FBXO25: variants seen among roughly 807,000 people sequenced by gnomAD.
FBXO25 encodes F-box protein 25, also known as F-box only protein 25.
In FBXO25, 45 loss-of-function variants were observed where a neutral mutation model predicts 51.9. That is an observed-to-expected ratio of 0.87 (90% confidence interval 0.68 to 1.11). FBXO25 has a LOEUF of 1.11. FBXO25 is among the 50% of genes most tolerant of loss of function. The probability of loss-of-function intolerance (pLI) is 0.00; values close to 1 mark genes in which losing one functional copy is unlikely to be tolerated. For synonymous variants in FBXO25, 199 were observed against 151.0 expected (o/e 1.32, Z -2.33); for missense variants, 507 against 428.5 (o/e 1.18, Z -1.62).
At chr8:416,891 T>G (rs1796837830) in intron 2 of FBXO25, among the ~76,000 whole-genome samples, 1 of 152,020 alleles carries the variant, frequency 6.6e-6, no homozygotes, top group Non-Finnish European at 1.5e-5. Flanking sequence ...GTAGTAAGTG[T>G]GATAGTATGT....
At chr8:434,313 C>T (rs1486196890) in intron 4 of FBXO25, among the ~76,000 whole-genome samples, 2 of 152,152 alleles carry the variant, frequency 1.3e-5, no homozygotes, top group East Asian at 3.9e-4. Context: ...GATTTAATTT[C>T]CTGTTGTAAG....
chr8:410,334 C>G (rs113179164), intron 1 of FBXO25, among the ~76,000 whole-genome samples: 116 of 152,224 alleles, frequency 7.6e-4, no homozygotes, highest in Admixed American at 1.3e-3. Flanking sequence ...GCAGGAACAT[C>G]TAGCATAATA....
chr8:468,071 C>T (rs965846270), intron 9 of FBXO25: 8 of 1,133,130 alleles, frequency 7.1e-6, no homozygotes, highest in African/African-American at 1.6e-5. Flanking sequence ...GACCCCAGAG[C>T]CTCTGGTCCC....
intron 2 of FBXO25, among the ~76,000 whole-genome samples, chr8:416,049 C>T (rs115761735): frequency 0.062 from 9,491 of 152,264 alleles, 320 homozygotes; most frequent in Middle Eastern, 0.082. Flanking sequence ...CAGAGACTCC[C>T]ATTGCTTGCT....
intron 7 of FBXO25, among the ~76,000 whole-genome samples, chr8:453,474 A>G (rs1464172171): frequency 6.6e-6 from 1 of 152,090 alleles, no homozygotes; most frequent in Non-Finnish European, 1.5e-5. Context: ...CTTTCTGGGA[A>G]TGTTACTTGA....
At chr8:460,387 C>T (rs1799731643) in intron 8 of FBXO25, among the ~76,000 whole-genome samples, 1 of 152,078 alleles carries the variant, frequency 6.6e-6, no homozygotes. Context: ...TTAACTGAAT[C>T]ATAAAAACAC....
intron 2 of FBXO25, among the ~76,000 whole-genome samples, chr8:422,714 G>A: frequency 6.6e-6 from 1 of 152,164 alleles, no homozygotes; most frequent in East Asian, 1.9e-4. Flanking sequence ...CAAGCCAGAG[G>A]CATCACGTAG....
intron 7 of FBXO25, among the ~76,000 whole-genome samples, chr8:452,071 A>C (rs950339926): frequency 2.0e-5 from 3 of 152,228 alleles, no homozygotes; most frequent in African/African-American, 7.2e-5. Context: ...TGCCTTACGT[A>C]GCCTTGGTGG....
chr8:457,296 GAA>G (rs1799505217), intron 7 of FBXO25, among the ~76,000 whole-genome samples: 2 of 152,316 alleles, frequency 1.3e-5, no homozygotes, highest in East Asian at 3.9e-4. Context: ...ACTGAGCCCT[GAA>G]AAGTCTGAAA....
intron 9 of FBXO25, among the ~76,000 whole-genome samples, chr8:468,421 C>T (rs1800330599): frequency 6.6e-6 from 1 of 152,130 alleles, no homozygotes; most frequent in Non-Finnish European, 1.5e-5. Flanking sequence ...CGGGGCAGTG[C>T]AGGGTGGTGT....
At chr8:408,807 T>G (rs1796320582) in intron 1 of FBXO25, among the ~76,000 whole-genome samples, 1 of 152,192 alleles carries the variant, frequency 6.6e-6, no homozygotes, top group African/African-American at 2.4e-5. Flanking sequence ...TTTTAAATAG[T>G]TAATCATTGT....
At chr8:429,574 C>T (rs956438864) in intron 2 of FBXO25, among the ~76,000 whole-genome samples, 8 of 152,150 alleles carry the variant, frequency 5.3e-5, no homozygotes, top group Non-Finnish European at 1.0e-4. Context: ...TTTAATGTGT[C>T]GAATTTAAAT....
rs1800604325 is a variant in FBXO25 at position 475,157 on chromosome 8, T to G, written c.*6353T>G. On this transcript the variant is annotated 3_prime_UTR_variant, in exon 10 of 10. Coordinates refer to ENST00000350302, the MANE Select transcript of FBXO25 (RefSeq NM_183420.2). Reference sequence around the variant, plus strand: ...TATATGGTGTGAGGTAGATCTAGCTTCATGTGGATGTCCACTTGTCTAGCA... The same window carrying G: ...TATATGGTGTGAGGTAGATCTAGCTGCATGTGGATGTCCACTTGTCTAGCA... 1 of 348,194 alleles carries G rather than the reference T, an allele frequency of 2.9e-6. No individual in the cohort carries two copies. The highest frequency in any genetic ancestry group is 2.2e-5 in the African/African-American group (1 of 46,346). The allele number at this position is 348,194 out of a possible 1,614,324, so 21.6% of individuals were successfully genotyped here.
chr8:441,179 T>C (rs1264654188), intron 5 of FBXO25, among the ~76,000 whole-genome samples: 13 of 151,926 alleles, frequency 8.6e-5, no homozygotes, highest in African/African-American at 3.1e-4. Flanking sequence ...TATAGACCAA[T>C]GGAACAGAAC....
rs368705954 is a variant in FBXO25, at chr8:451,417, C to A, written c.624C>A (p.Ala208=). The change falls in exon 7 of 10, where the codon GCC becomes GCA. Residue 208 remains alanine, a synonymous_variant. Coordinates refer to ENST00000350302, the MANE Select transcript of FBXO25 (RefSeq NM_183420.2). ...IWICRLETIL[A]WQQQLQDLQM... is the part of the protein sequence containing the mutation. Reference sequence around the variant, plus strand: ...TTTGCCGATTAGAAACTATTCTCGCCTGGCAACAACAGCTACAGGATCTTC... The same window carrying A: ...TTTGCCGATTAGAAACTATTCTCGCATGGCAACAACAGCTACAGGATCTTC... 5 of 1,613,894 alleles carry A rather than the reference C, an allele frequency of 3.1e-6. No homozygotes were observed. Among genetic ancestry groups the A allele is most frequent in the African/African-American group, 1.3e-5 (1 of 75,022 alleles).
intron 2 of FBXO25, among the ~76,000 whole-genome samples, chr8:415,694 C>G (rs1274121356): frequency 6.6e-6 from 1 of 152,160 alleles, no homozygotes; most frequent in East Asian, 1.9e-4. Context: ...GAGAAGGACT[C>G]TGAGGGTTCA....
At position 471,753 on chromosome 8, in the gene FBXO25, T is replaced by A. The variant is rs750715106; in HGVS notation, c.*2949T>A. 4 of 152,234 alleles carry A rather than the reference T, an allele frequency of 2.6e-5. No individual in the cohort carries two copies. Among genetic ancestry groups the A allele is most frequent in the Non-Finnish European group, 4.4e-5 (3 of 68,048 alleles). The allele number at this position is 152,234 out of a possible 1,614,324, so 9.4% of individuals were successfully genotyped here. ...TGAATACACACAAATTGGAAAGCCA[T>A]GCAGTAGCCTCTCAGGAGCAGACCG... On this transcript the variant is annotated 3_prime_UTR_variant, in exon 10 of 10. Coordinates refer to ENST00000350302, the MANE Select transcript of FBXO25 (RefSeq NM_183420.2).
At chr8:428,800 T>A (rs1315238336) in intron 2 of FBXO25, among the ~76,000 whole-genome samples, 3 of 152,208 alleles carry the variant, frequency 2.0e-5, no homozygotes, top group Non-Finnish European at 2.9e-5. Flanking sequence ...ACAGTATGTG[T>A]CCTTTTGTGA....
Position 435,719 on chromosome 8 carries a change from A to T in FBXO25, c.381+12A>T, listed in dbSNP as rs1193458744. On this transcript the variant is annotated intron_variant, in intron 5 of 9. Transcript: ENST00000350302. ...ATTATGTGGTCAAAGTAAGTGTTCT[A>T]TTTCAAAAACTACTTTGATGACTCT... The T allele has an allele frequency of 6.4e-7, 1 of 1,564,696 alleles. No homozygotes were observed. Among genetic ancestry groups the T allele is most frequent in the African/African-American group, 1.4e-5 (1 of 72,324 alleles).
Sources: allele counts gnomAD v4.1 joint callset (sites outside exome capture counted in the v4.1 genomes callset), GRCh38; gene constraint gnomAD v4.1.1; transcripts MANE v1.5; gene names NCBI Gene and HGNC (gene_info 2026-07-23, HGNC 2026-07-21).